The following MACROD2 variants were observed in gnomAD, a reference collection of about 807,000 sequenced individuals.
MACROD2 encodes ADP-ribose glycohydrolase MACROD2.
MACROD2 carries 36 observed loss-of-function variants against 70.4 expected under a neutral mutation model. The observed-to-expected ratio is 0.51, with a 90% CI of 0.39 to 0.68. The LOEUF (loss-of-function observed/expected upper bound fraction) is 0.68. MACROD2 is among the 30% of genes least tolerant of loss of function. The pLI is 0.00. For synonymous variants in MACROD2, 172 were observed against 178.8 expected (o/e 0.96, Z 0.30); for missense variants, 496 against 538.4 (o/e 0.92, Z 0.78).
At chr20:15,310,308 C>A (rs2146145369) in intron 6 of MACROD2, among the ~76,000 whole-genome samples, 1 of 152,156 alleles carries the variant, frequency 6.6e-6, no homozygotes, top group South Asian at 2.1e-4. Context: ...AGAATTGGGG[C>A]CCAATGTTGA....
intron 4 of MACROD2, among the ~76,000 whole-genome samples, chr20:14,654,273 T>A (rs1385853399): frequency 1.3e-5 from 2 of 152,052 alleles, no homozygotes; most frequent in Non-Finnish European, 2.9e-5. Context: ...TTGGCTAGTC[T>A]CGGTGGCTCA....
Position 14,560,308 on chromosome 20 carries a change from T to TACACACACACACACAC in MACROD2, c.301+66816_301+66831dup, listed in dbSNP as rs1232499100. ...TGGGAATGAATGACTGTACTTAATGTACACACACACACACACACACACACA... is the reference window on the plus strand; with the variant it reads ...TGGGAATGAATGACTGTACTTAATGTACACACACACACACACACACACACACACACACACACACACA... On this transcript the variant is annotated intron_variant, in intron 4 of 17. Coordinates refer to ENST00000684519, the MANE Select transcript of MACROD2 (RefSeq NM_001351661.2). 5.2e-4 allele frequency among the ~76,000 whole-genome samples: 77 copies of TACACACACACACACAC among 147,448 alleles called. 1 individual carries two copies. The highest frequency in any genetic ancestry group is 8.3e-4 in the Non-Finnish European group (55 of 66,456).
intron 3 of MACROD2, among the ~76,000 whole-genome samples, chr20:14,476,361 C>G (rs2084594655): frequency 6.6e-6 from 1 of 151,914 alleles, no homozygotes; most frequent in Admixed American, 6.6e-5. Flanking sequence ...CATTTATTAC[C>G]TTTTGTTTTC....
intron 3 of MACROD2, among the ~76,000 whole-genome samples, chr20:14,469,789 G>T (rs2084505447): frequency 6.6e-6 from 1 of 151,734 alleles, no homozygotes; most frequent in Non-Finnish European, 1.5e-5. Context: ...GGTCATCTAT[G>T]TTCTTCTCTA....
At chr20:14,512,143 T>C (rs1362183597) in intron 4 of MACROD2, among the ~76,000 whole-genome samples, 1 of 152,130 alleles carries the variant, frequency 6.6e-6, no homozygotes, top group Admixed American at 6.6e-5. Flanking sequence ...TCATCCATGA[T>C]ATTAACTAGA....
At chr20:15,157,359 A>T (rs201183649) in intron 5 of MACROD2, among the ~76,000 whole-genome samples, 3 of 115,300 alleles carry the variant, frequency 2.6e-5, no homozygotes, top group Non-Finnish European at 3.7e-5. Flanking sequence ...ACCCCCCCCC[A>T]CCTCCCCCCC....
intron 12 of MACROD2, among the ~76,000 whole-genome samples, chr20:15,950,900 T>C (rs1170978502): frequency 6.6e-6 from 1 of 152,158 alleles, no homozygotes; most frequent in Non-Finnish European, 1.5e-5. Flanking sequence ...CCACGTTAAT[T>C]AACTAAATGT....
At chr20:14,188,045 G>C (rs1243233019) in intron 3 of MACROD2, among the ~76,000 whole-genome samples, 1 of 150,854 alleles carries the variant, frequency 6.6e-6, no homozygotes, top group East Asian at 1.9e-4. Flanking sequence ...TATAGAATAT[G>C]ATTGAAAGGT....
rs987754169 is a variant in MACROD2, at chr20:14,463,653, T to C, written c.272-29826T>C. Among the ~76,000 whole-genome samples the C allele has an allele frequency of 2.0e-5, 3 of 152,130 alleles. No homozygotes were observed. In the East Asian group the frequency reaches 5.8e-4, roughly 29 times the overall value. On this transcript the variant is annotated intron_variant, in intron 3 of 17. Transcript: ENST00000684519. ...ACTTCCAGTTTTTGCCCATTCAGTA[T>C]GATATTGGCTGTGGGTTTGTCATAG... is the stretch of plus-strand genomic sequence containing the variant.
At chr20:15,161,506 A>T (rs2145875352) in intron 5 of MACROD2, among the ~76,000 whole-genome samples, 1 of 152,050 alleles carries the variant, frequency 6.6e-6, no homozygotes, top group Middle Eastern at 3.4e-3. Context: ...GAGGAATCTC[A>T]TAATATTTGT....
chr20:15,280,659 G>C (rs746860379), intron 6 of MACROD2: 7 of 152,134 alleles, frequency 4.6e-5, no homozygotes, highest in Admixed American at 2.6e-4. Flanking sequence ...TATTTCCTTG[G>C]TCTTCATTAG....
At chr20:15,547,433 A>G (rs2146579961) in intron 8 of MACROD2, among the ~76,000 whole-genome samples, 1 of 152,290 alleles carries the variant, frequency 6.6e-6, no homozygotes, top group Middle Eastern at 3.4e-3. Flanking sequence ...GTCCATGATG[A>G]CAAGTTCTAT....
chr20:14,602,668 G>A (rs1053883381), intron 4 of MACROD2, among the ~76,000 whole-genome samples: 2 of 152,316 alleles, frequency 1.3e-5, no homozygotes, highest in Middle Eastern at 3.4e-3. Flanking sequence ...TGTATCTGAA[G>A]TGAAAAGTTG....
At chr20:15,109,454 A>C (rs1211357355) in intron 5 of MACROD2, among the ~76,000 whole-genome samples, 1 of 152,192 alleles carries the variant, frequency 6.6e-6, no homozygotes. Context: ...GGTTGCTGAC[A>C]GTGCTTAATG....
chr20:14,726,767 A>G (rs914774441), intron 5 of MACROD2, among the ~76,000 whole-genome samples: 1 of 151,858 alleles, frequency 6.6e-6, no homozygotes, highest in Non-Finnish European at 1.5e-5. Flanking sequence ...ACCTGCCTCC[A>G]GCTCTGTTCT....
chr20:14,274,808 A>G (rs951086711), intron 3 of MACROD2, among the ~76,000 whole-genome samples: 9 of 151,548 alleles, frequency 5.9e-5, no homozygotes, highest in Non-Finnish European at 1.2e-4. Flanking sequence ...GTCTCAGGAT[A>G]CAAAATCAAT....
chr20:14,101,993 C>CTTTTT (rs66890047), intron 3 of MACROD2, among the ~76,000 whole-genome samples: 2 of 25,050 alleles, frequency 8.0e-5, no homozygotes, highest in African/African-American at 1.6e-4. Context: ...TTTAATGAGT[C>CTTTTT]TTTTTTTTTT....
At chr20:15,151,361 T>C (rs2076268554) in intron 5 of MACROD2, among the ~76,000 whole-genome samples, 1 of 151,970 alleles carries the variant, frequency 6.6e-6, no homozygotes, top group Admixed American at 6.5e-5. Context: ...TGGAAGTTCT[T>C]GTGTGCTGGA....
intron 10 of MACROD2, among the ~76,000 whole-genome samples, chr20:15,892,528 T>C (rs1008773673): frequency 1.3e-5 from 2 of 152,232 alleles, no homozygotes; most frequent in African/African-American, 4.8e-5. Context: ...CCTCTAGCCC[T>C]GCGTTCAGGA....
Sources: allele counts gnomAD v4.1 joint callset (sites outside exome capture counted in the v4.1 genomes callset), GRCh38; gene constraint gnomAD v4.1.1; transcripts MANE v1.5; gene names NCBI Gene and HGNC (gene_info 2026-07-23, HGNC 2026-07-21).